NFATC1: variants seen among roughly 807,000 people sequenced by gnomAD.
The protein encoded by NFATC1 is nuclear factor of activated T-cells, cytoplasmic 1.
NFATC1 carries 22 observed loss-of-function variants against 76.0 expected under a neutral mutation model. That is an observed-to-expected ratio of 0.29 (90% CI 0.21 to 0.41). The LOEUF is 0.41. Ranked by LOEUF, NFATC1 falls within the 10% of genes least tolerant of loss-of-function variation. The probability of loss-of-function intolerance (pLI) is 1.00; values close to 1 mark genes in which losing one functional copy is unlikely to be tolerated. For missense variants in NFATC1, 1,357 were observed against 1,337.7 expected (o/e 1.01, Z -0.23); for synonymous variants, 704 against 613.1 (o/e 1.15, Z -2.19).
At chr18:79,475,415 CGTT>C (rs145132355) in intron 8 of NFATC1, among the ~76,000 whole-genome samples, 15,143 of 144,778 alleles carry the variant, frequency 0.1, 960 homozygotes, top group Non-Finnish European at 0.13. Context: ...TCACCGTCGA[CGTT>C]GTAAACCCGA....
chr18:79,452,053 G>A (rs1485566119), intron 6 of NFATC1: 2 of 440,530 alleles, frequency 4.5e-6, no homozygotes, highest in Non-Finnish European at 7.8e-6. Context: ...GGCCGCCGGG[G>A]CCACTGCACT....
chr18:79,422,836 C>T (rs60389750), intron 2 of NFATC1: 64,331 of 151,992 alleles, frequency 0.42, 16,056 homozygotes, highest in African/African-American at 0.7. Context: ...AGGCTGACAT[C>T]GGGGGCTTTG....
intron 1 of NFATC1, among the ~76,000 whole-genome samples, chr18:79,404,898 T>C (rs997522377): frequency 1.3e-5 from 2 of 152,166 alleles, no homozygotes; most frequent in African/African-American, 2.4e-5. Flanking sequence ...ACCAGAAGTA[T>C]TTCATGTATT....
At chr18:79,396,589 G>A (rs1175167995) in intron 1 of NFATC1, among the ~76,000 whole-genome samples, 3 of 152,198 alleles carry the variant, frequency 2.0e-5, no homozygotes, top group African/African-American at 4.8e-5. Flanking sequence ...CCAGCGCTGA[G>A]GGCGCGAGGC....
chr18:79,451,838 A>G (rs750285858), intron 6 of NFATC1, 22 bp downstream of exon 6: 10 of 1,589,164 alleles, frequency 6.3e-6, no homozygotes, highest in African/African-American at 1.3e-5. Flanking sequence ...ACCAGGGGCC[A>G]TCTGCGGCCT....
intron 8 of NFATC1, among the ~76,000 whole-genome samples, chr18:79,471,704 T>G (rs1028424995): frequency 1.3e-5 from 2 of 152,184 alleles, no homozygotes; most frequent in African/African-American, 2.4e-5. Context: ...CTGAGGGTCA[T>G]CCCGTGACAA....
chr18:79,449,005 G>A (rs756825427), intron 4 of NFATC1, 21 bp downstream of exon 4: 30 of 1,610,288 alleles, frequency 1.9e-5, no homozygotes, highest in East Asian at 4.5e-5. Context: ...GGGGACCTCC[G>A]GCCTCTGGCA....
At chr18:79,405,640 CTT>C (rs910152505) in intron 1 of NFATC1, among the ~76,000 whole-genome samples, 3 of 152,224 alleles carry the variant, frequency 2.0e-5, no homozygotes, top group Non-Finnish European at 4.4e-5. Context: ...AACAAGGGAA[CTT>C]TATCCACTAC....
intron 3 of NFATC1, among the ~76,000 whole-genome samples, chr18:79,444,692 C>T (rs1197944028): frequency 6.6e-6 from 1 of 151,646 alleles, no homozygotes; most frequent in Non-Finnish European, 1.5e-5. Flanking sequence ...TGCCCGACCC[C>T]GCAGACCACA....
At chr18:79,504,442 C>T (rs1660150) in intron 9 of NFATC1, among the ~76,000 whole-genome samples, 100,908 of 151,978 alleles carry the variant, frequency 0.66, 33,898 homozygotes, top group Middle Eastern at 0.71. Flanking sequence ...GCAGTCAGGA[C>T]GCACCCAGCT....
In NFATC1 at chr18:79,411,497, A is replaced by G. The variant is rs1293356162; in HGVS notation, c.1222A>G (p.Met408Val). 6 of 1,487,642 alleles carry G rather than the reference A, an allele frequency of 4.0e-6. No homozygotes were observed. The highest frequency in any genetic ancestry group is 4.9e-5 in the Admixed American group (2 of 40,818). 92.2% of individuals were successfully genotyped at this position (1,487,642 alleles called of 1,614,324 possible). A position where few individuals can be genotyped will look rare whatever the true frequency, so the allele number is the denominator to read the frequency against. The change falls in exon 2 of 10, where the codon ATG becomes GTG. Residue 408 changes from methionine to valine, a missense_variant. Met to Val is a conservative substitution (Grantham distance 21). Around this residue, in one of 3 missense-constraint regions of NFATC1, gnomAD observed 691 missense variants for 613.1 expected, o/e 1.13. Coordinates refer to ENST00000427363, the MANE Select transcript of NFATC1 (RefSeq NM_001278669.2). ...CAAGCCCCTGTCCCCTACGTCCTAC[A>G]TGAGGTGAGCCGGCAGCGCGGGGCG... ...KPKPLSPTSY[M>V]SPTLPALDWQ...
chr18:79,454,551 C>T (rs1055597268), intron 6 of NFATC1, among the ~76,000 whole-genome samples: 3 of 152,150 alleles, frequency 2.0e-5, no homozygotes, highest in African/African-American at 7.2e-5. Context: ...CTGGGATGCT[C>T]CAGCAGGGCA....
intron 2 of NFATC1, among the ~76,000 whole-genome samples, chr18:79,419,481 C>T (rs1282949322): frequency 1.4e-5 from 2 of 147,406 alleles, no homozygotes; most frequent in African/African-American, 5.0e-5. Flanking sequence ...GCCCGGGAGC[C>T]CCCCTAGGAG....
chr18:79,474,486 TCTCACA>T (rs2088952998), intron 8 of NFATC1, among the ~76,000 whole-genome samples: 2 of 148,954 alleles, frequency 1.3e-5, no homozygotes, highest in Non-Finnish European at 1.5e-5. Context: ...GGAAGCGTGT[TCTCACA>T]CTCACTGTCG....
intron 6 of NFATC1, among the ~76,000 whole-genome samples, chr18:79,458,892 C>CTAGA (rs1327108152): frequency 6.6e-6 from 1 of 152,256 alleles, no homozygotes; most frequent in Non-Finnish European, 1.5e-5. Context: ...GAAGCAATTG[C>CTAGA]TAGATAGACA....
At chr18:79,519,898 G>A (rs1388667111) in intron 9 of NFATC1, among the ~76,000 whole-genome samples, 2 of 152,300 alleles carry the variant, frequency 1.3e-5, no homozygotes, top group South Asian at 2.1e-4. Context: ...AGACGTGCTC[G>A]CTGTCGCTCC....
chr18:79,482,251 G>A (rs1180899097), intron 8 of NFATC1, among the ~76,000 whole-genome samples: 1 of 139,518 alleles, frequency 7.2e-6, no homozygotes, highest in Non-Finnish European at 1.5e-5. Context: ...ACTCCAGCGT[G>A]ACCTCGTTCC....
rs537212057 is a variant in NFATC1 at position 79,410,287 on chromosome 18, C to T, written c.128-116C>T. The T allele has an allele frequency of 2.1e-4, 318 of 1,494,462 alleles. No individual in the cohort carries two copies. The highest frequency in any genetic ancestry group is 9.1e-4 in the African/African-American group (65 of 71,814). 92.6% of individuals were successfully genotyped at this position (1,494,462 alleles called of 1,614,324 possible). On this transcript the variant is annotated intron_variant, in intron 1 of 9. Coordinates refer to ENST00000427363, the MANE Select transcript of NFATC1 (RefSeq NM_001278669.2). The surrounding 1 kb of genome is among the most constrained non-coding windows in gnomAD (Gnocchi z 6.7). Reference sequence around the variant, plus strand: ...GGTCTCAGGGACGTTTGCTGAGGCCCGCTCCTTGGGGTCCGTTGGTCGAGG... The same window carrying T: ...GGTCTCAGGGACGTTTGCTGAGGCCTGCTCCTTGGGGTCCGTTGGTCGAGG...
chr18:79,436,761 C>T (rs563834610), intron 3 of NFATC1, among the ~76,000 whole-genome samples: 2 of 151,622 alleles, frequency 1.3e-5, no homozygotes, highest in African/African-American at 2.4e-5. Context: ...TACCTGTGGG[C>T]GCTGAGGGGC....
Sources: gnomAD v4.1 joint callset for allele counts (sites outside exome capture counted in the v4.1 genomes callset) on GRCh38, gnomAD v4.1.1 for gene constraint, gnomAD v4.1.1 regional missense constraint, Gnocchi (gnomAD v3.1) non-coding constraint, MANE v1.5 for transcripts, NCBI Gene and HGNC (gene_info 2026-07-23, HGNC 2026-07-21) for gene names.